NRXN1: variants seen among roughly 807,000 people sequenced by gnomAD.
NRXN1 encodes neurexin 1, also known as neurexin-1.
Under a neutral mutation model 150.9 loss-of-function variants are expected in NRXN1, and 39 were observed. The ratio of observed to expected loss-of-function variants is 0.26; its 90% CI spans 0.20 to 0.34. NRXN1 has a LOEUF of 0.34. Ranked by LOEUF, NRXN1 falls within the 10% of genes least tolerant of loss-of-function variation. The pLI is 1.00. For synonymous variants in NRXN1, 924 were observed against 757.0 expected, an observed-to-expected ratio of 1.22 and a Z score of -3.62; for missense variants, 1,815 against 1,949.9, an observed-to-expected ratio of 0.93 and a Z score of 1.30.
chr2:50,658,411 G>GGTGTGTGTGTGT (rs58970263), intron 5 of NRXN1, among the ~76,000 whole-genome samples: 18,767 of 144,652 alleles, frequency 0.13, 1,324 homozygotes, highest in Middle Eastern at 0.23. Flanking sequence ...TGCATTCACT[G>GGTGTGTGTGTGT]GTGTGTGTGT....
intron 12 of NRXN1, among the ~76,000 whole-genome samples, chr2:50,525,141 G>A (rs918484449): frequency 2.0e-5 from 3 of 152,042 alleles, no homozygotes; most frequent in Non-Finnish European, 4.4e-5. Context: ...TAATACTATG[G>A]ACCAGGCAAG....
chr2:50,859,316 C>A (rs1042039066), intron 5 of NRXN1, among the ~76,000 whole-genome samples: 1 of 151,876 alleles, frequency 6.6e-6, no homozygotes, highest in Non-Finnish European at 1.5e-5. Context: ...CTTGGCAGTG[C>A]TAGGGGGCAG....
intron 17 of NRXN1, among the ~76,000 whole-genome samples, chr2:50,321,229 C>A (rs767090971): frequency 3.3e-5 from 5 of 152,106 alleles, no homozygotes; most frequent in Non-Finnish European, 5.9e-5. Flanking sequence ...GAATGCATGA[C>A]TCTACACCAA....
intron 17 of NRXN1, among the ~76,000 whole-genome samples, chr2:50,299,177 C>T (rs1336651755): frequency 1.3e-5 from 2 of 152,042 alleles, no homozygotes; most frequent in African/African-American, 2.4e-5. Context: ...ACAATTGCAT[C>T]CTCTCTTCCT....
At chr2:50,720,379 C>T (rs1376813379) in intron 5 of NRXN1, among the ~76,000 whole-genome samples, 1 of 152,058 alleles carries the variant, frequency 6.6e-6, no homozygotes, top group Non-Finnish European at 1.5e-5. Flanking sequence ...GGTCGCGCTG[C>T]ATCTTCCAGT....
chr2:50,368,232 G>T (rs1453424583), intron 17 of NRXN1, among the ~76,000 whole-genome samples: 1 of 151,794 alleles, frequency 6.6e-6, no homozygotes, highest in Admixed American at 6.6e-5. Context: ...TTAAATTATG[G>T]TAGAGCTCAT....
chr2:50,249,096 G>A (rs1274091214), intron 17 of NRXN1, among the ~76,000 whole-genome samples: 1 of 150,034 alleles, frequency 6.7e-6, no homozygotes, highest in African/African-American at 2.5e-5. Flanking sequence ...GTTTAAGGCT[G>A]CAGTGAGTTG....
Position 50,578,873 on chromosome 2 carries a change from T to G in NRXN1, c.1321-25848A>C, listed in dbSNP as rs374131871. Among the ~76,000 whole-genome samples the G allele has an allele frequency of 6.8e-4, 104 of 152,230 alleles. 2 individuals carry two copies. The highest frequency in any genetic ancestry group is 2.5e-3 in the African/African-American group (103 of 41,532). On this transcript the variant is annotated intron_variant, in intron 8 of 22. Coordinates refer to ENST00000401669, the MANE Select transcript of NRXN1 (RefSeq NM_001330078.2). The stretch of plus-strand genomic sequence containing the variant: ...ATTGGGGTCACTGGAAAGGCATTGA[T>G]GAGAATATTACATGAACGAAATCCA...
chr2:50,839,562 C>T (rs1672578846), intron 5 of NRXN1, among the ~76,000 whole-genome samples: 1 of 152,078 alleles, frequency 6.6e-6, no homozygotes, highest in South Asian at 2.1e-4. Context: ...AGAGAAAGAT[C>T]TTCATGCATC....
At chr2:50,025,497 G>A (rs1437813199) in intron 21 of NRXN1, among the ~76,000 whole-genome samples, 2 of 152,176 alleles carry the variant, frequency 1.3e-5, no homozygotes, top group African/African-American at 4.8e-5. Flanking sequence ...AGCTGCTATA[G>A]GTCATGGAAG....
At chr2:50,087,533 C>T (rs945357568) in intron 19 of NRXN1, among the ~76,000 whole-genome samples, 2 of 152,048 alleles carry the variant, frequency 1.3e-5, no homozygotes, top group African/African-American at 4.8e-5. Flanking sequence ...GAAAATTTTC[C>T]CGCATAACTG....
intron 2 of NRXN1, among the ~76,000 whole-genome samples, chr2:51,003,154 A>C (rs1265523299): frequency 6.6e-6 from 1 of 151,966 alleles, no homozygotes; most frequent in Non-Finnish European, 1.5e-5. Flanking sequence ...AGGTAACAAA[A>C]ACAAATAAGC....
At chr2:50,865,658 GTTTTTTTTTTTTTT>G (rs71404978) in intron 5 of NRXN1, among the ~76,000 whole-genome samples, 8 of 41,832 alleles carry the variant, frequency 1.9e-4, no homozygotes, top group Non-Finnish European at 2.7e-4. Context: ...GCATTTGAAA[GTTTTTTTTTTTTTT>G]TTTTTTTTTT....
At chr2:50,430,495 T>TA in intron 17 of NRXN1, among the ~76,000 whole-genome samples, 1 of 152,346 alleles carries the variant, frequency 6.6e-6, no homozygotes, top group East Asian at 1.9e-4. Flanking sequence ...ATCTGGTTTT[T>TA]AATTTTAATT....
rs2105187434 is a variant in NRXN1, at chr2:50,528,626, G to C, written c.2373C>G (p.Ser791=). 1 of 1,533,240 alleles carries C rather than the reference G, an allele frequency of 6.5e-7. No individual in the cohort carries two copies. The highest frequency in any genetic ancestry group is 1.4e-5 in the African/African-American group (1 of 72,806). The allele number at this position is 1,533,240 out of a possible 1,614,324, so 95.0% of individuals were successfully genotyped here. ...NLDCIRINCN[S]SKGPETLFAG... ...TAAAAATTTTGAATAGGCACTTACT[G>C]GAATTACAGTTAATCCTGATACAAT... is the stretch of plus-strand genomic sequence containing the variant. Residue 791 remains serine (S), a splice_region_variant and synonymous_variant, in exon 12 of 23, where the codon TCC becomes TCG. Coordinates refer to ENST00000401669, the MANE Select transcript of NRXN1 (RefSeq NM_001330078.2).
intron 9 of NRXN1, among the ~76,000 whole-genome samples, chr2:50,541,868 C>A (rs1162991460): frequency 4.6e-5 from 7 of 151,918 alleles, no homozygotes; most frequent in Non-Finnish European, 1.0e-4. Context: ...ATGTTGTAAC[C>A]CATGGTACAA....
chr2:50,504,367 C>A lies in NRXN1; in HGVS notation c.2497+2128G>T, dbSNP rs555174236. On this transcript the variant is annotated intron_variant, in intron 13 of 22. Transcript: ENST00000401669. ...TTAAAAAATACATGCTGAAGTATTT[C>A]GGGTTAAAGGGACACTGTGTATGTA... is the stretch of plus-strand genomic sequence containing the variant. Among the ~76,000 whole-genome samples, 3 of 152,010 alleles carry A rather than the reference C, an allele frequency of 2.0e-5. No individual in the cohort carries two copies. The East Asian group carries it at 5.8e-4, about 29-fold the overall frequency.
intron 7 of NRXN1, 43 bp from the exon 8 acceptor site, chr2:50,620,226 C>G: frequency 6.3e-7 from 1 of 1,588,114 alleles, no homozygotes; most frequent in East Asian, 2.3e-5. Context: ...ATACTCAGAC[C>G]TAGATACTGT....
At chr2:50,739,677 A>G (rs1699198649) in intron 5 of NRXN1, among the ~76,000 whole-genome samples, 1 of 152,042 alleles carries the variant, frequency 6.6e-6, no homozygotes, top group African/African-American at 2.4e-5. Flanking sequence ...TTATATTATC[A>G]TTTTCCTAAA....
Sources: gnomAD v4.1 joint callset for allele counts (sites outside exome capture counted in the v4.1 genomes callset) on GRCh38, gnomAD v4.1.1 for gene constraint, MANE v1.5 for transcripts, NCBI Gene and HGNC (gene_info 2026-07-23, HGNC 2026-07-21) for gene names.